ADAM32: variants seen among roughly 807,000 people sequenced by gnomAD.
ADAM32 encodes ADAM metallopeptidase domain 32.
A neutral mutation model predicts 114.9 loss-of-function variants in ADAM32; 89 were observed. The observed-to-expected ratio is 0.77, with a 90% CI of 0.65 to 0.92. The LOEUF is 0.92. Ranked by LOEUF, ADAM32 falls within the 40% of genes least tolerant of loss-of-function variation. ADAM32 has a pLI of 0.00. For synonymous variants in ADAM32, 285 were observed against 307.5 expected (o/e 0.93, Z 0.77); for missense variants, 870 against 932.8 (o/e 0.93, Z 0.88).
chr8:39,229,602 G>A (rs1196120987), intron 14 of ADAM32, among the ~76,000 whole-genome samples: 1 of 152,170 alleles, frequency 6.6e-6, no homozygotes, highest in Non-Finnish European at 1.5e-5. Flanking sequence ...AAGAGACAAA[G>A]AGGGACATTA....
intron 2 of ADAM32, among the ~76,000 whole-genome samples, chr8:39,133,882 C>CTT (rs1802616039): frequency 6.6e-6 from 1 of 152,160 alleles, no homozygotes; most frequent in Non-Finnish European, 1.5e-5. Flanking sequence ...TACTGAAGGC[C>CTT]CATGCAACTG....
At chr8:39,236,503 A>G (rs1435013642) in intron 16 of ADAM32, among the ~76,000 whole-genome samples, 1 of 152,158 alleles carries the variant, frequency 6.6e-6, no homozygotes, top group Non-Finnish European at 1.5e-5. Flanking sequence ...TATACTTTAC[A>G]TTTTAGTGCC....
chr8:39,156,724 T>G (rs969788698), intron 6 of ADAM32, among the ~76,000 whole-genome samples: 1 of 152,210 alleles, frequency 6.6e-6, no homozygotes, highest in Non-Finnish European at 1.5e-5. Context: ...GACCCTCTGC[T>G]TGGCATATAA....
At chr8:39,154,004 G>T (rs1258961427) in intron 6 of ADAM32, among the ~76,000 whole-genome samples, 1 of 136,878 alleles carries the variant, frequency 7.3e-6, no homozygotes, top group African/African-American at 2.7e-5. Context: ...AAGAAAAACA[G>T]CCAAGTAAAA....
intron 19 of ADAM32, among the ~76,000 whole-genome samples, chr8:39,266,926 A>C (rs1406594342): frequency 1.3e-5 from 2 of 152,208 alleles, no homozygotes; most frequent in Non-Finnish European, 2.9e-5. Context: ...GCCAAGGCTC[A>C]AATTAGCATT....
At chr8:39,153,224 ATATATG>A (rs1468509402) in intron 6 of ADAM32, among the ~76,000 whole-genome samples, 2 of 152,244 alleles carry the variant, frequency 1.3e-5, no homozygotes, top group African/African-American at 4.8e-5. Context: ...GCTAGCAAAT[ATATATG>A]TATAATTTCA....
chr8:39,197,077 A>G (rs1201701654), intron 11 of ADAM32, among the ~76,000 whole-genome samples: 1 of 152,062 alleles, frequency 6.6e-6, no homozygotes, highest in Non-Finnish European at 1.5e-5. Context: ...GGCAGGTTGT[A>G]TGTGTCCAGG....
chr8:39,201,098 G>A (rs1740434070), intron 11 of ADAM32, among the ~76,000 whole-genome samples: 1 of 152,126 alleles, frequency 6.6e-6, no homozygotes, highest in Non-Finnish European at 1.5e-5. Context: ...GATTGACTTG[G>A]CAATGAGGGC....
intron 6 of ADAM32, among the ~76,000 whole-genome samples, chr8:39,153,027 A>C (rs1227684099): frequency 1.3e-5 from 2 of 152,204 alleles, no homozygotes; most frequent in Non-Finnish European, 2.9e-5. Flanking sequence ...GAAACAAGGT[A>C]AAATGAGCCT....
At chr8:39,241,731 C>A (rs1810568281) in intron 16 of ADAM32, among the ~76,000 whole-genome samples, 1 of 152,204 alleles carries the variant, frequency 6.6e-6, no homozygotes, top group African/African-American at 2.4e-5. Flanking sequence ...CATTTTTTCC[C>A]TCCTAAACCT....
chr8:39,233,388 A>C (rs937224001), intron 15 of ADAM32, among the ~76,000 whole-genome samples: 3 of 152,176 alleles, frequency 2.0e-5, no homozygotes, highest in African/African-American at 7.2e-5. Context: ...TTGCTGTGGC[A>C]TTTGTAAACT....
At chr8:39,230,887 A>G (rs1470755376) in intron 14 of ADAM32, among the ~76,000 whole-genome samples, 1 of 152,196 alleles carries the variant, frequency 6.6e-6, no homozygotes, top group African/African-American at 2.4e-5. Context: ...ATTGACATAT[A>G]TATTATTATC....
chr8:39,214,479 A>G (rs554364963), intron 12 of ADAM32, among the ~76,000 whole-genome samples: 20 of 152,216 alleles, frequency 1.3e-4, no homozygotes, highest in African/African-American at 4.3e-4. Context: ...TGCCATTTGT[A>G]TGTCTTCTTT....
At chr8:39,194,562 T>C (rs763423730) in intron 11 of ADAM32, among the ~76,000 whole-genome samples, 6 of 152,076 alleles carry the variant, frequency 3.9e-5, no homozygotes, top group Non-Finnish European at 8.8e-5. Context: ...AGCAAGCTGA[T>C]ATTTGTCTGT....
rs191222366 is a variant in ADAM32 at position 39,166,290 on chromosome 8, G to C, written c.833+1094G>C. ...CTCCCACATATTGGTCAGAACATAC[G>C]ATGTTTGGTTTTCCATTCTTGAGTT... On this transcript the variant is annotated intron_variant, in intron 9 of 24. Coordinates refer to ENST00000379907, the MANE Select transcript of ADAM32 (RefSeq NM_145004.7). The C allele has an allele frequency of 3.9e-5, 6 of 152,190 alleles. No homozygotes were observed. The East Asian group carries it at 9.7e-4, about 25-fold the overall frequency. The allele number at this position is 152,190 out of a possible 1,614,324, so 9.4% of individuals were successfully genotyped here. A position where few individuals can be genotyped will look rare whatever the true frequency, so the allele number is the denominator to read the frequency against.
chr8:39,152,835 AG>A (rs1384754551), intron 6 of ADAM32, among the ~76,000 whole-genome samples: 1 of 152,180 alleles, frequency 6.6e-6, no homozygotes, highest in Non-Finnish European at 1.5e-5. Flanking sequence ...CCTTACCTCT[AG>A]GTAGGGCCAT....
chr8:39,147,788 A>G lies in ADAM32; in HGVS notation c.276+583A>G, dbSNP rs1051214338. On this transcript the variant is annotated intron_variant, in intron 4 of 24. Transcript: ENST00000379907. ...ATTTATCCCTTTATTTTATTCATTT[A>G]TTTTTGTTTTTATTTATTTATTTTG... is the stretch of plus-strand genomic sequence containing the variant. 2.0e-5 allele frequency among the ~76,000 whole-genome samples: 3 copies of G among 151,440 alleles called. No individual in the cohort carries two copies. The East Asian group carries it at 5.8e-4, about 29-fold the overall frequency.
At chr8:39,170,938 A>C (rs1036739036) in intron 10 of ADAM32, among the ~76,000 whole-genome samples, 1 of 150,900 alleles carries the variant, frequency 6.6e-6, no homozygotes, top group African/African-American at 2.4e-5. Flanking sequence ...AAGTTCTAGT[A>C]TATATATATA....
intron 11 of ADAM32, among the ~76,000 whole-genome samples, chr8:39,192,299 G>T (rs898631443): frequency 6.6e-6 from 1 of 151,880 alleles, no homozygotes; most frequent in Non-Finnish European, 1.5e-5. Context: ...TATCTTTGTC[G>T]GTTTAAAGTC....
Sources: gnomAD v4.1 joint callset for allele counts (sites outside exome capture counted in the v4.1 genomes callset) on GRCh38, gnomAD v4.1.1 for gene constraint, MANE v1.5 for transcripts, NCBI Gene and HGNC (gene_info 2026-07-23, HGNC 2026-07-21) for gene names.